The following SV2C variants were observed in gnomAD, a reference collection of about 807,000 sequenced individuals.
SV2C encodes the protein synaptic vesicle glycoprotein 2C.
A neutral mutation model predicts 79.7 loss-of-function variants in SV2C; 49 were observed. The observed-to-expected ratio is 0.61, with a 90% CI of 0.49 to 0.78. The LOEUF (loss-of-function observed/expected upper bound fraction) is 0.78. Among genes scored for constraint, SV2C ranks in the 30% least tolerant of loss-of-function variants. The pLI, the probability that SV2C is intolerant of heterozygous loss-of-function variation, is 0.00. For synonymous variants in SV2C, 334 were observed against 333.2 expected (o/e 1.00, Z -0.03); for missense variants, 833 against 912.9 (o/e 0.91, Z 1.13).
chr5:76,245,926 GTGTGTGTGTA>G (rs1484654460), intron 4 of SV2C, among the ~76,000 whole-genome samples: 1 of 146,878 alleles, frequency 6.8e-6, no homozygotes, highest in African/African-American at 2.7e-5. Context: ...GTGTGTGTGT[GTGTGTGTGTA>G]TGTGTGTGTG....
At chr5:76,206,527 T>C (rs1192550274) in intron 3 of SV2C, among the ~76,000 whole-genome samples, 6 of 152,188 alleles carry the variant, frequency 3.9e-5, no homozygotes, top group Non-Finnish European at 7.4e-5. Context: ...TCTATTATGG[T>C]CATATTGGTT....
the SV2C span, among the ~76,000 whole-genome samples, chr5:76,047,251 C>T: frequency 6.6e-6 from 1 of 152,310 alleles, no homozygotes; most frequent in South Asian, 2.1e-4. Flanking sequence ...CTTCCTCTTC[C>T]AGTCACTGTT....
At chr5:75,997,532 G>A in the SV2C span, among the ~76,000 whole-genome samples, 82 of 152,106 alleles carry the variant, frequency 5.4e-4, 1 homozygote, top group African/African-American at 1.9e-3. Flanking sequence ...TGGGTGAAGG[G>A]TATGAACAGA....
chr5:76,173,247 ATAG>A (rs1743386498), intron 2 of SV2C, among the ~76,000 whole-genome samples: 1 of 149,970 alleles, frequency 6.7e-6, no homozygotes, highest in Non-Finnish European at 1.5e-5. Context: ...TTATGCTAAA[ATAG>A]TGGTGCTTTT....
At chr5:76,171,657 A>G (rs1320779243) in intron 2 of SV2C, among the ~76,000 whole-genome samples, 1 of 106,786 alleles carries the variant, frequency 9.4e-6, no homozygotes. Context: ...TCCGGGAGGG[A>G]GGTGGGGGGT....
chr5:75,860,522 T>G, the SV2C span, among the ~76,000 whole-genome samples: 1 of 152,188 alleles, frequency 6.6e-6, no homozygotes, highest in Admixed American at 6.5e-5. Context: ...CCCAAAGCTA[T>G]CTATAGATTC....
the SV2C span, among the ~76,000 whole-genome samples, chr5:76,048,807 G>T: frequency 1.1e-5 from 1 of 89,642 alleles, no homozygotes; most frequent in Non-Finnish European, 1.9e-5. Context: ...TCAGCCTCCA[G>T]ATTGTGAAAA....
intron 1 of SV2C, among the ~76,000 whole-genome samples, chr5:76,104,110 A>T (rs1039466583): frequency 6.6e-6 from 1 of 152,232 alleles, no homozygotes; most frequent in Admixed American, 6.5e-5. Context: ...TCAGAATAAA[A>T]GTCAGCAGAG....
At chr5:76,198,926 G>A (rs1687989885) in intron 3 of SV2C, among the ~76,000 whole-genome samples, 1 of 152,200 alleles carries the variant, frequency 6.6e-6, no homozygotes, top group Non-Finnish European at 1.5e-5. Context: ...GTACAGACAG[G>A]CAGCTCTTCC....
chr5:76,316,932 C>T (rs141500553), intron 12 of SV2C, among the ~76,000 whole-genome samples: 71 of 152,250 alleles, frequency 4.7e-4, no homozygotes, highest in Non-Finnish European at 7.6e-4. Flanking sequence ...TCTCGTCTCA[C>T]CCATCTTAGT....
At chr5:76,270,505 C>G (rs576579539) in intron 4 of SV2C, among the ~76,000 whole-genome samples, 1 of 152,298 alleles carries the variant, frequency 6.6e-6, no homozygotes, top group Admixed American at 6.5e-5. Context: ...CTTATTCTTG[C>G]TGGTGAGCCT....
At chr5:76,192,109 A>G (rs1744123003) in intron 2 of SV2C, among the ~76,000 whole-genome samples, 1 of 152,178 alleles carries the variant, frequency 6.6e-6, no homozygotes, top group African/African-American at 2.4e-5. Context: ...TCAAACATGT[A>G]TTTAAAAAAA....
chr5:76,008,022 G>T, the SV2C span, among the ~76,000 whole-genome samples: 1 of 152,116 alleles, frequency 6.6e-6, no homozygotes, highest in Non-Finnish European at 1.5e-5. Context: ...CTTTCCATTT[G>T]CCTCATTCCG....
At chr5:76,227,031 A>T (rs1471938592) in intron 4 of SV2C, among the ~76,000 whole-genome samples, 1 of 152,204 alleles carries the variant, frequency 6.6e-6, no homozygotes, top group African/African-American at 2.4e-5. Context: ...GGCCTGCTCA[A>T]GGAAAGGAAG....
intron 1 of SV2C, among the ~76,000 whole-genome samples, chr5:76,096,859 G>A (rs1471037523): frequency 6.6e-6 from 1 of 152,074 alleles, no homozygotes; most frequent in Non-Finnish European, 1.5e-5. Context: ...CTTTGAGCTG[G>A]GACATTGATC....
chr5:75,925,907 G>A, the SV2C span, among the ~76,000 whole-genome samples: 1 of 152,082 alleles, frequency 6.6e-6, no homozygotes, highest in East Asian at 1.9e-4. Flanking sequence ...TTAATCTTAG[G>A]TTTCCATGAA....
At position 76,223,444 on chromosome 5, in the gene SV2C, C is replaced by CATATATAT. The variant is rs70979384; in HGVS notation, c.913+13602_913+13609dup. Among the ~76,000 whole-genome samples the CATATATAT allele has an allele frequency of 2.4e-3, 110 of 45,668 alleles. 1 individual carries two copies. The highest frequency in any genetic ancestry group is 4.2e-3 in the East Asian group (5 of 1,186). 30.0% of individuals were successfully genotyped at this position (45,668 alleles called of 152,430 possible). ...CCCTGTCTCTTTATATACATACATA[C>CATATATAT]ATATATATATATATATATATATATA... On this transcript the variant is annotated intron_variant, in intron 4 of 12. Transcript: ENST00000502798.
rs1744008510 is a variant in SV2C, at chr5:76,188,909, GGAGCAGGGACAACA to G, written c.581-6008_581-5995del. On this transcript the variant is annotated intron_variant, in intron 2 of 12. Coordinates refer to ENST00000502798, the MANE Select transcript of SV2C (RefSeq NM_014979.4). ...CTCAGCCAACCATTTTGGGGTTCCAGGAGCAGGGACAACAGGGCAGCAGCTGTGAAAGCTTACAC... is the reference window on the plus strand; with the variant it reads ...CTCAGCCAACCATTTTGGGGTTCCAGGGGCAGCAGCTGTGAAAGCTTACAC... Among the ~76,000 whole-genome samples the G allele has an allele frequency of 2.0e-5, 3 of 151,946 alleles. No homozygotes were observed. In the South Asian group the frequency reaches 6.2e-4, roughly 32 times the overall value.
At position 76,348,359 on chromosome 5, in the gene SV2C, T is replaced by C. The variant is rs534566398; in HGVS notation, c.2001-4771T>C. 3.3e-5 allele frequency among the ~76,000 whole-genome samples: 5 copies of C among 152,362 alleles called. No individual in the cohort carries two copies. In the South Asian group the frequency reaches 1.0e-3, roughly 32 times the overall value. ...TTCACCTACTAACAAACATCTTGGT[T>C]GCCTCCAAAGTTTGGCAATTATAAG... is the stretch of plus-strand genomic sequence containing the variant. On this transcript the variant is annotated intron_variant, in intron 12 of 12. Coordinates refer to the SV2C transcript ENST00000322285.
Sources: allele counts gnomAD v4.1 joint callset (sites outside exome capture counted in the v4.1 genomes callset), GRCh38; gene constraint gnomAD v4.1.1; transcripts MANE v1.5; gene names NCBI Gene and HGNC (gene_info 2026-07-23, HGNC 2026-07-21).